Variants in SLC24A2 observed in about 807,000 individuals in gnomAD.
SLC24A2 encodes the protein sodium/potassium/calcium exchanger 2.
In SLC24A2, 36 loss-of-function variants were observed where a neutral mutation model predicts 62.0. That is an observed-to-expected ratio of 0.58 (90% CI 0.44 to 0.77). SLC24A2 has a LOEUF of 0.77. SLC24A2 is among the 30% of genes least tolerant of loss of function. The probability of loss-of-function intolerance (pLI) is 0.00; values close to 1 mark genes in which losing one functional copy is unlikely to be tolerated. For synonymous variants in SLC24A2, 358 were observed against 294.0 expected (o/e 1.22, Z -2.23); for missense variants, 846 against 817.9 (o/e 1.03, Z -0.42).
At chr9:19,707,678 G>C (rs1041226230) in intron 2 of SLC24A2, among the ~76,000 whole-genome samples, 24 of 152,160 alleles carry the variant, frequency 1.6e-4, no homozygotes, top group African/African-American at 5.8e-4. Context: ...AATAGATGCA[G>C]AAAAGGCCTT....
chr9:19,766,643 T>C (rs959954871), intron 2 of SLC24A2, among the ~76,000 whole-genome samples: 7 of 152,198 alleles, frequency 4.6e-5, no homozygotes, highest in Non-Finnish European at 7.4e-5. Context: ...ACAGCAAAGA[T>C]TGATGCCTGC....
chr9:20,274,021 A>G, the SLC24A2 span, among the ~76,000 whole-genome samples: 2 of 152,254 alleles, frequency 1.3e-5, no homozygotes, highest in South Asian at 2.1e-4. Flanking sequence ...TTCTCCCCTC[A>G]TCCCCAATAC....
the SLC24A2 span, among the ~76,000 whole-genome samples, chr9:20,265,314 C>T: frequency 6.6e-6 from 1 of 152,122 alleles, no homozygotes; most frequent in Non-Finnish European, 1.5e-5. Flanking sequence ...AGAATAGTCG[C>T]CGAGTTGTTG....
chr9:19,702,257 C>A (rs890957339), intron 2 of SLC24A2, among the ~76,000 whole-genome samples: 2 of 152,152 alleles, frequency 1.3e-5, no homozygotes, highest in African/African-American at 4.8e-5. Flanking sequence ...TCTCTGTACA[C>A]TTGGTGCTCC....
At chr9:19,641,325 A>C (rs1447282769) in intron 2 of SLC24A2, among the ~76,000 whole-genome samples, 2 of 152,222 alleles carry the variant, frequency 1.3e-5, no homozygotes, top group South Asian at 4.1e-4. Context: ...TGTCTCCTCC[A>C]AACATGCATA....
intron 7 of SLC24A2, among the ~76,000 whole-genome samples, chr9:19,558,002 G>A (rs566463414): frequency 5.7e-4 from 87 of 152,136 alleles, no homozygotes; most frequent in African/African-American, 2.0e-3. Flanking sequence ...ATTTTTTGTA[G>A]AGACAAGATT....
chr9:19,798,598 C>CACACACA, the SLC24A2 span, among the ~76,000 whole-genome samples: 1 of 146,448 alleles, frequency 6.8e-6, no homozygotes, highest in African/African-American at 2.5e-5. Flanking sequence ...ATCCTTTATA[C>CACACACA]CACACACACA....
chr9:19,849,968 A>T, the SLC24A2 span, among the ~76,000 whole-genome samples: 1 of 152,152 alleles, frequency 6.6e-6, no homozygotes, highest in Non-Finnish European at 1.5e-5. Flanking sequence ...CATTTCCAGC[A>T]GGCTATTTTT....
the SLC24A2 span, among the ~76,000 whole-genome samples, chr9:20,017,748 C>T: frequency 6.6e-6 from 1 of 152,176 alleles, no homozygotes; most frequent in Non-Finnish European, 1.5e-5. Flanking sequence ...AGGCAGGAAG[C>T]ATCCAGCATG....
chr9:19,945,530 A>G, the SLC24A2 span, among the ~76,000 whole-genome samples: 132 of 152,268 alleles, frequency 8.7e-4, no homozygotes, highest in African/African-American at 3.0e-3. Flanking sequence ...AAAAGGGGTA[A>G]TTCTCCCTTT....
the SLC24A2 span, among the ~76,000 whole-genome samples, chr9:19,982,580 C>T: frequency 0.015 from 2,284 of 152,240 alleles, 65 homozygotes; most frequent in African/African-American, 0.052. Flanking sequence ...ATTAGACTGG[C>T]TTCACTGGCG....
the SLC24A2 span, among the ~76,000 whole-genome samples, chr9:20,070,471 T>G: frequency 6.6e-6 from 1 of 152,228 alleles, no homozygotes; most frequent in South Asian, 2.1e-4. Flanking sequence ...GGAGCCATCA[T>G]TGTTCATACG....
the SLC24A2 span, among the ~76,000 whole-genome samples, chr9:20,067,411 G>T: frequency 6.6e-6 from 1 of 152,032 alleles, no homozygotes; most frequent in Non-Finnish European, 1.5e-5. Context: ...TTCTATGTCT[G>T]ATTTTTAAAT....
the SLC24A2 span, among the ~76,000 whole-genome samples, chr9:20,216,060 T>C: frequency 1.3e-5 from 2 of 150,848 alleles, no homozygotes; most frequent in East Asian, 2.0e-4. Flanking sequence ...ATAGATCTAC[T>C]ATTTTGTGAT....
chr9:20,165,857 A>T, the SLC24A2 span, among the ~76,000 whole-genome samples: 1 of 151,898 alleles, frequency 6.6e-6, no homozygotes, highest in East Asian at 1.9e-4. Context: ...ACAAATGACA[A>T]ATTGGTAGCA....
the SLC24A2 span, among the ~76,000 whole-genome samples, chr9:19,809,302 T>G: frequency 1.3e-5 from 2 of 152,146 alleles, no homozygotes; most frequent in Admixed American, 6.5e-5. Context: ...CTAAAAAAAT[T>G]ACACAGGTAC....
the SLC24A2 span, among the ~76,000 whole-genome samples, chr9:19,853,039 G>C: frequency 6.6e-6 from 1 of 152,084 alleles, no homozygotes; most frequent in African/African-American, 2.4e-5. Context: ...CACTTCCCTT[G>C]TTAGATGTAT....
the SLC24A2 span, among the ~76,000 whole-genome samples, chr9:20,089,306 G>T: frequency 6.6e-6 from 1 of 152,086 alleles, no homozygotes; most frequent in East Asian, 1.9e-4. Context: ...ACTGGGGAGG[G>T]CTATCCAACC....
At chr9:19,686,795 T>A (rs1293478395) in intron 2 of SLC24A2, among the ~76,000 whole-genome samples, 1 of 152,138 alleles carries the variant, frequency 6.6e-6, no homozygotes, top group Non-Finnish European at 1.5e-5. Context: ...CTTGGGTATG[T>A]CTTTATTGGC....
Sources: gnomAD v4.1 joint callset for allele counts (sites outside exome capture counted in the v4.1 genomes callset) on GRCh38, gnomAD v4.1.1 for gene constraint, MANE v1.5 for transcripts, NCBI Gene and HGNC (gene_info 2026-07-23, HGNC 2026-07-21) for gene names.